The following ERC1 variants were observed in gnomAD, a reference collection of about 807,000 sequenced individuals.
ERC1 encodes the protein RAB6 interacting protein 2.
ERC1 carries 56 observed loss-of-function variants against 132.0 expected under a neutral mutation model. The ratio of observed to expected loss-of-function variants is 0.42; its 90% CI spans 0.34 to 0.53. The LOEUF is 0.53. Ranked by LOEUF, ERC1 falls within the 20% of genes least tolerant of loss-of-function variation. The pLI is 0.03. For synonymous variants in ERC1, 478 were observed against 476.1 expected (o/e 1.00, Z -0.05); for missense variants, 1,202 against 1,349.9 (o/e 0.89, Z 1.72).
chr12:1,109,783 C>T (rs964239307), intron 4 of ERC1, among the ~76,000 whole-genome samples: 2 of 152,182 alleles, frequency 1.3e-5, no homozygotes, highest in East Asian at 3.8e-4. Flanking sequence ...CATGGTGGCT[C>T]ACGCCCATAA....
intron 16 of ERC1, among the ~76,000 whole-genome samples, chr12:1,400,008 A>G (rs192487088): frequency 2.6e-5 from 4 of 152,262 alleles, no homozygotes; most frequent in Admixed American, 1.3e-4. Flanking sequence ...TCCCACCAGC[A>G]ATATATGACC....
At chr12:1,177,282 C>T (rs1953843612) in intron 8 of ERC1, among the ~76,000 whole-genome samples, 2 of 152,152 alleles carry the variant, frequency 1.3e-5, no homozygotes, top group Admixed American at 6.5e-5. Context: ...AGTAACTTGA[C>T]TGTTTGGTTC....
At chr12:1,391,662 G>A (rs979150939) in intron 16 of ERC1, among the ~76,000 whole-genome samples, 3 of 152,198 alleles carry the variant, frequency 2.0e-5, no homozygotes, top group Non-Finnish European at 4.4e-5. Context: ...CTCACAACCT[G>A]GTGAGCATGG....
At chr12:1,141,900 T>C in intron 8 of ERC1, 113 bp downstream of exon 8, 1 of 859,298 alleles carries the variant, frequency 1.2e-6, no homozygotes, top group Non-Finnish European at 1.7e-6. Flanking sequence ...CAGTTTATAT[T>C]TTTGTGATTA....
intron 4 of ERC1, among the ~76,000 whole-genome samples, chr12:1,107,305 G>A (rs1945369474): frequency 6.6e-6 from 1 of 152,194 alleles, no homozygotes; most frequent in African/African-American, 2.4e-5. Context: ...GATAGATAAA[G>A]CAGAGCGAGT....
intron 1 of ERC1, among the ~76,000 whole-genome samples, chr12:1,006,109 A>G (rs879617468): frequency 2.6e-5 from 4 of 151,948 alleles, no homozygotes; most frequent in African/African-American, 4.8e-5. Context: ...GGCGCCTGCC[A>G]CCACACCTGG....
At chr12:1,456,288 G>C (rs12309872) in intron 18 of ERC1, among the ~76,000 whole-genome samples, 9,640 of 152,210 alleles carry the variant, frequency 0.063, 379 homozygotes, top group African/African-American at 0.11. Context: ...AAATAGATTT[G>C]GTTTTGGCTA....
chr12:1,157,312 C>A (rs888084516), intron 8 of ERC1, among the ~76,000 whole-genome samples: 9 of 152,200 alleles, frequency 5.9e-5, no homozygotes, highest in African/African-American at 1.7e-4. Context: ...GCCATGTGGC[C>A]CAGGCTGGCC....
At chr12:1,479,129 G>A (rs1054320118) in intron 18 of ERC1, among the ~76,000 whole-genome samples, 10 of 151,864 alleles carry the variant, frequency 6.6e-5, no homozygotes, top group East Asian at 3.9e-4. Context: ...TTCTCTTTTC[G>A]TCCCATTGGT....
At chr12:1,111,477 G>C (rs933065323) in intron 5 of ERC1, among the ~76,000 whole-genome samples, 5 of 152,050 alleles carry the variant, frequency 3.3e-5, no homozygotes, top group African/African-American at 1.2e-4. Context: ...CCAGTTTCTG[G>C]CTTCTTGCCA....
Position 1,279,649 on chromosome 12 carries a change from C to G in ERC1, c.2620-10203C>G, listed in dbSNP as rs966604883. On this transcript the variant is annotated intron_variant, in intron 14 of 18. Coordinates refer to ENST00000360905, the MANE Select transcript of ERC1 (RefSeq NM_178040.4). ...CCAGAAGTCTATGGATACTGGTTTT[C>G]AAAGCAGACTTTTTTTTTTTTTTAA... 4.9e-5 allele frequency among the ~76,000 whole-genome samples: 7 copies of G among 144,040 alleles called. No individual in the cohort carries two copies. In the Admixed American group the frequency reaches 4.9e-4, roughly 10 times the overall value. The allele number at this position is 144,040 out of a possible 152,430, so 94.5% of individuals were successfully genotyped here.
chr12:1,392,637 A>G (rs1159016563), intron 16 of ERC1, among the ~76,000 whole-genome samples: 1 of 152,192 alleles, frequency 6.6e-6, no homozygotes, highest in Non-Finnish European at 1.5e-5. Flanking sequence ...ATCAGAATCA[A>G]TCTATACCTG....
chr12:1,208,957 A>ATTT (rs538961813), intron 12 of ERC1, among the ~76,000 whole-genome samples: 18 of 71,632 alleles, frequency 2.5e-4, no homozygotes, highest in African/African-American at 8.1e-4. Flanking sequence ...CGCCCAGCTG[A>ATTT]TTTTTTTTTT....
chr12:1,436,014 G>A (rs149728123), intron 17 of ERC1, among the ~76,000 whole-genome samples: 2 of 152,274 alleles, frequency 1.3e-5, no homozygotes, highest in South Asian at 2.1e-4. Context: ...AGTGGCTATA[G>A]CCTAGCTGTG....
chr12:1,212,619 C>T (rs945256006), intron 12 of ERC1, among the ~76,000 whole-genome samples: 1 of 152,138 alleles, frequency 6.6e-6, no homozygotes, highest in East Asian at 1.9e-4. Context: ...GTGTACGATT[C>T]GAACGTTGAG....
intron 15 of ERC1, among the ~76,000 whole-genome samples, chr12:1,315,743 G>A (rs1306362111): frequency 1.3e-5 from 2 of 152,238 alleles, no homozygotes; most frequent in East Asian, 1.9e-4. Context: ...GAGAGAGAGC[G>A]AGAGAGAGGA....
At chr12:1,168,306 G>C (rs1952651993) in intron 8 of ERC1, among the ~76,000 whole-genome samples, 1 of 151,816 alleles carries the variant, frequency 6.6e-6, no homozygotes. Flanking sequence ...AGTTTTTGTA[G>C]TAGAGATGGG....
intron 1 of ERC1, among the ~76,000 whole-genome samples, chr12:1,017,676 T>A (rs1032957731): frequency 6.6e-6 from 1 of 151,932 alleles, no homozygotes; most frequent in Non-Finnish European, 1.5e-5. Flanking sequence ...TTTTTGTATT[T>A]TTCGTAGAGA....
At chr12:1,379,214 C>T (rs77102715) in intron 16 of ERC1, among the ~76,000 whole-genome samples, 2 of 152,138 alleles carry the variant, frequency 1.3e-5, no homozygotes, top group South Asian at 4.1e-4. Flanking sequence ...GAAACCAGGC[C>T]CCCACCTTCA....
Sources: gnomAD v4.1 joint callset for allele counts (sites outside exome capture counted in the v4.1 genomes callset) on GRCh38, gnomAD v4.1.1 for gene constraint, MANE v1.5 for transcripts, NCBI Gene and HGNC (gene_info 2026-07-23, HGNC 2026-07-21) for gene names.